Variants in COL8A1 observed in about 807,000 individuals in gnomAD.
The protein encoded by COL8A1 is collagen type VIII alpha 1 chain.
Under a neutral mutation model 42.7 loss-of-function variants are expected in COL8A1, and 21 were observed. The observed-to-expected ratio is 0.49, with a 90% CI of 0.35 to 0.71. COL8A1 has a LOEUF of 0.71. Among genes scored for constraint, COL8A1 ranks in the 30% least tolerant of loss-of-function variants. The pLI, the probability that COL8A1 is intolerant of heterozygous loss-of-function variation, is 0.01. For synonymous variants in COL8A1, 367 were observed against 369.1 expected, an observed-to-expected ratio of 0.99 and a Z score of 0.06; for missense variants, 788 against 962.4, an observed-to-expected ratio of 0.82 and a Z score of 2.40.
chr3:99,771,542 G>A (rs73860468), intron 2 of COL8A1, among the ~76,000 whole-genome samples: 2,231 of 152,278 alleles, frequency 0.015, 56 homozygotes, highest in African/African-American at 0.052. Flanking sequence ...ACCAGGCAAC[G>A]TAAACTCCAC....
chr3:99,723,168 A>C (rs970115829), intron 1 of COL8A1, among the ~76,000 whole-genome samples: 1 of 152,082 alleles, frequency 6.6e-6, no homozygotes, highest in African/African-American at 2.4e-5. Context: ...AAAAAGAGGA[A>C]ATGAATTTAA....
rs1376165529 is a variant in COL8A1, at chr3:99,745,025, AGT to A, written c.-4+8_-4+9del. ...AGCAGTCCTGTCAAGTATAAATGTA[AGT>A]GTGAGGAGCAACAGAGGGCAGGGCA... On this transcript the variant is annotated splice_donor_5th_base_variant and intron_variant, in intron 2 of 3. Coordinates refer to ENST00000652472, the MANE Select transcript of COL8A1 (RefSeq NM_020351.4). 2 of 152,030 alleles carry A rather than the reference AGT, an allele frequency of 1.3e-5. No homozygotes were observed. The highest frequency in any genetic ancestry group is 2.4e-5 in the African/African-American group (1 of 41,380). 9.4% of individuals were successfully genotyped at this position (152,030 alleles called of 1,614,324 possible).
chr3:99,694,418 G>T (rs1939310923), intron 1 of COL8A1, among the ~76,000 whole-genome samples: 1 of 151,920 alleles, frequency 6.6e-6, no homozygotes, highest in East Asian at 1.9e-4. Flanking sequence ...GGAGGTTGCA[G>T]AGAGCCGAGA....
intron 1 of COL8A1, among the ~76,000 whole-genome samples, chr3:99,648,503 CA>C (rs999771367): frequency 1.5e-4 from 23 of 149,874 alleles, no homozygotes; most frequent in African/African-American, 5.4e-4. Flanking sequence ...ATTTCAGAGC[CA>C]AAAAAGTAAG....
chr3:99,715,413 G>A (rs909553698), intron 1 of COL8A1, among the ~76,000 whole-genome samples: 2 of 152,066 alleles, frequency 1.3e-5, no homozygotes, highest in Non-Finnish European at 2.9e-5. Flanking sequence ...ACAAGGGAAA[G>A]AGGAGAATGA....
At chr3:99,711,025 T>C (rs1461908011) in intron 1 of COL8A1, among the ~76,000 whole-genome samples, 1 of 152,148 alleles carries the variant, frequency 6.6e-6, no homozygotes, top group Non-Finnish European at 1.5e-5. Context: ...AAAAGGCAAA[T>C]ATGTTCTCAA....
At chr3:99,687,874 T>C (rs1489618440) in intron 1 of COL8A1, among the ~76,000 whole-genome samples, 1 of 152,220 alleles carries the variant, frequency 6.6e-6, no homozygotes, top group Non-Finnish European at 1.5e-5. Flanking sequence ...TTCCTTGTAC[T>C]CTGCATCTTC....
At chr3:99,789,757 C>T (rs1941964425) in intron 2 of COL8A1, among the ~76,000 whole-genome samples, 1 of 152,150 alleles carries the variant, frequency 6.6e-6, no homozygotes. Context: ...AAACATCTCC[C>T]TCTTATTCAT....
chr3:99,739,753 A>C (rs1940845869), intron 1 of COL8A1, among the ~76,000 whole-genome samples: 1 of 152,118 alleles, frequency 6.6e-6, no homozygotes, highest in African/African-American at 2.4e-5. Flanking sequence ...TGGGCCTGTG[A>C]TGGGAGAGGC....
chr3:99,794,786 T>G lies in COL8A1; in HGVS notation c.885T>G (p.Pro295=). Residue 295 remains proline (P), a synonymous_variant, in exon 4 of 4, where the codon CCT becomes CCG. Transcript: ENST00000652472. This position sits in a 1 kb window ranked among gnomAD's most constrained non-coding sequence, Gnocchi z 4.3. Reference sequence around the variant, plus strand: ...GAAAGCCAGGGGCTCCAGGAGAACCTGGGCCACAAGGCCCTATTGGGGTAC... The same window carrying G: ...GAAAGCCAGGGGCTCCAGGAGAACCGGGGCCACAAGGCCCTATTGGGGTAC... The part of the protein sequence containing the change: ...PLGKPGAPGE[P]GPQGPIGVPG... 6.2e-7 allele frequency: 1 copy of G among 1,600,892 alleles called. No individual in the cohort carries two copies. Among genetic ancestry groups the G allele is most frequent in the Non-Finnish European group, 8.5e-7 (1 of 1,175,170 alleles).
At chr3:99,788,980 T>C (rs1941947264) in intron 2 of COL8A1, among the ~76,000 whole-genome samples, 1 of 152,172 alleles carries the variant, frequency 6.6e-6, no homozygotes, top group East Asian at 1.9e-4. Flanking sequence ...AACTCCTTGA[T>C]GGTAAGGCCC....
rs1937633786 is a variant in COL8A1, at chr3:99,645,990, A to AG, written c.-129+7327dup. On this transcript the variant is annotated intron_variant, in intron 1 of 3. Transcript: ENST00000652472. ...GTGGAGTAAGGGGAAGGGAGCTGGG[A>AG]GAAAAAAAGACAGAAATGGGCCAAA... is the stretch of plus-strand genomic sequence containing the variant. Among the ~76,000 whole-genome samples, 3 of 152,070 alleles carry AG rather than the reference A, an allele frequency of 2.0e-5. No homozygotes were observed. The South Asian group carries it at 6.2e-4, about 32-fold the overall frequency.
intron 1 of COL8A1, among the ~76,000 whole-genome samples, chr3:99,738,602 A>C (rs371078687): frequency 6.6e-6 from 1 of 152,316 alleles, no homozygotes; most frequent in African/African-American, 2.4e-5. Flanking sequence ...CAGCTGCGTG[A>C]TGGGAGAACC....
chr3:99,649,606 T>G (rs1937774012), intron 1 of COL8A1, among the ~76,000 whole-genome samples: 1 of 152,166 alleles, frequency 6.6e-6, no homozygotes, highest in Non-Finnish European at 1.5e-5. Context: ...ATAAAAGTTC[T>G]GAATAAAATT....
intron 1 of COL8A1, among the ~76,000 whole-genome samples, chr3:99,689,113 T>G (rs1939146117): frequency 6.6e-6 from 1 of 152,224 alleles, no homozygotes; most frequent in Admixed American, 6.5e-5. Context: ...CCAGCGATAT[T>G]AATTAATGAC....
intron 1 of COL8A1, among the ~76,000 whole-genome samples, chr3:99,662,360 C>G (rs146444086): frequency 1.4e-5 from 2 of 143,104 alleles, no homozygotes; most frequent in African/African-American, 5.2e-5. Context: ...CCAGCCTGGG[C>G]GACAGGGCGA....
chr3:99,770,427 T>G (rs968421274), intron 2 of COL8A1, among the ~76,000 whole-genome samples: 1 of 152,204 alleles, frequency 6.6e-6, no homozygotes, highest in Admixed American at 6.5e-5. Context: ...CCTAGCCTGC[T>G]TTTTAAAGAG....
At chr3:99,761,378 C>T (rs1366885602) in intron 2 of COL8A1, among the ~76,000 whole-genome samples, 1 of 152,026 alleles carries the variant, frequency 6.6e-6, no homozygotes, top group Non-Finnish European at 1.5e-5. Flanking sequence ...TGTAACTTGG[C>T]AGAGGACACA....
rs533665723 is a variant in COL8A1 at position 99,767,185 on chromosome 3, C to T, written c.-4+22164C>T. On this transcript the variant is annotated intron_variant, in intron 2 of 3. Coordinates refer to ENST00000652472, the MANE Select transcript of COL8A1 (RefSeq NM_020351.4). Reference sequence around the variant, plus strand: ...TGATCCTACGGCTCAGAAGGTGACACTTTTTACAATACAACTTCATTCATT... The same window carrying T: ...TGATCCTACGGCTCAGAAGGTGACATTTTTTACAATACAACTTCATTCATT... Among the ~76,000 whole-genome samples, 4 of 152,286 alleles carry T rather than the reference C, an allele frequency of 2.6e-5. No homozygotes were observed. In the East Asian group the frequency reaches 7.7e-4, roughly 29 times the overall value.
Sources: allele counts gnomAD v4.1 joint callset (sites outside exome capture counted in the v4.1 genomes callset), GRCh38; gene constraint gnomAD v4.1.1; non-coding constraint Gnocchi (gnomAD v3.1); transcripts MANE v1.5; gene names NCBI Gene and HGNC (gene_info 2026-07-23, HGNC 2026-07-21).